Variants in SUCO observed in about 807,000 individuals in gnomAD.
SUCO encodes SUN domain containing ossification factor.
Under a neutral mutation model 148.1 loss-of-function variants are expected in SUCO, and 57 were observed. The observed-to-expected ratio is 0.38, with a 90% confidence interval of 0.31 to 0.48. The LOEUF is 0.48. Ranked by LOEUF, SUCO falls within the 20% of genes least tolerant of loss-of-function variation. SUCO has a pLI of 0.96. For synonymous variants in SUCO, 470 were observed against 502.7 expected (o/e 0.93, Z 0.87); for missense variants, 1,331 against 1,468.2 (o/e 0.91, Z 1.53).
rs1465465858 is a variant in SUCO, at chr1:172,588,934, A to G, written c.1833A>G (p.Ser611=). ...QEDESSPWFE[S]ETQIFCSELT... is the part of the protein sequence containing the mutation. ...ATGAATCATCACCCTGGTTTGAGTC[A>G]GAGACACAAATATTTTGCAGTGAAC... Residue 611 remains serine (S), a synonymous_variant, in exon 18 of 24, where the codon TCA becomes TCG. Transcript: ENST00000263688. The G allele has an allele frequency of 1.2e-6, 2 of 1,612,158 alleles. No homozygotes were observed. The highest frequency in any genetic ancestry group is 1.7e-6 in the Non-Finnish European group (2 of 1,179,126).
chr1:172,594,229 C>T (rs1275419896), intron 19 of SUCO, among the ~76,000 whole-genome samples: 2 of 149,014 alleles, frequency 1.3e-5, no homozygotes, highest in African/African-American at 2.5e-5. Flanking sequence ...AAACCAGCTC[C>T]TGAATTTATT....
intron 2 of SUCO, chr1:172,552,451 A>T (rs973609036): frequency 6.5e-6 from 1 of 154,064 alleles, no homozygotes; most frequent in African/African-American, 2.4e-5. Context: ...ATTATTTATC[A>T]GTTGTTCTTT....
Position 172,610,474 on chromosome 1 carries a change from G to A in SUCO, c.*215G>A. ...GCTGATCACTTCCTATAAGGACAATGGTAGACATTTTATAAAGATGTTTTT... is the reference window on the plus strand; with the variant it reads ...GCTGATCACTTCCTATAAGGACAATAGTAGACATTTTATAAAGATGTTTTT... On this transcript the variant is annotated 3_prime_UTR_variant, in exon 24 of 24. Transcript: ENST00000263688. 3.6e-6 allele frequency: 2 copies of A among 558,202 alleles called. No homozygotes were observed. Among genetic ancestry groups the A allele is most frequent in the South Asian group, 5.9e-5 (1 of 16,916 alleles). The allele number at this position is 558,202 out of a possible 1,614,324, so 34.6% of individuals were successfully genotyped here.
At chr1:172,570,611 C>T in intron 8 of SUCO, 52 bp from the exon 9 acceptor site, 1 of 1,228,300 alleles carries the variant, frequency 8.1e-7, no homozygotes, top group Non-Finnish European at 1.2e-6. Context: ...AAAATAAATA[C>T]TTTCTTCATT....
chr1:172,541,835 G>A (rs148307649), intron 1 of SUCO: 1 of 982,924 alleles, frequency 1.0e-6, no homozygotes, highest in Non-Finnish European at 1.2e-6. Flanking sequence ...ACATTCTAGG[G>A]CCTAAAATTA....
chr1:172,534,856 C>A (rs746891707), intron 1 of SUCO, among the ~76,000 whole-genome samples: 9 of 152,006 alleles, frequency 5.9e-5, no homozygotes, highest in Non-Finnish European at 1.3e-4. Flanking sequence ...TTGGTCTTGC[C>A]CATCTTTAAA....
chr1:172,556,571 G>A, intron 4 of SUCO: 1 of 976,270 alleles, frequency 1.0e-6, no homozygotes, highest in Non-Finnish European at 1.2e-6. Context: ...ACTACATTAA[G>A]CATTTCCTTT....
At chr1:172,572,259 G>T (rs568869423) in intron 9 of SUCO, among the ~76,000 whole-genome samples, 1 of 151,400 alleles carries the variant, frequency 6.6e-6, no homozygotes, top group Admixed American at 6.6e-5. Context: ...GAATAGAAAG[G>T]GGGGAAGGGC....
At chr1:172,593,605 G>T (rs192541161) in intron 19 of SUCO, among the ~76,000 whole-genome samples, 3 of 152,096 alleles carry the variant, frequency 2.0e-5, no homozygotes, top group South Asian at 2.1e-4. Context: ...TGAACCAGCC[G>T]TGCATCCCAG....
At chr1:172,575,152 C>T (rs531749403) in intron 10 of SUCO, among the ~76,000 whole-genome samples, 2 of 152,106 alleles carry the variant, frequency 1.3e-5, no homozygotes, top group East Asian at 3.9e-4. Context: ...TCTCTTTCCA[C>T]CAGTACTTGT....
At chr1:172,559,426 C>T (rs763306923) in intron 6 of SUCO, among the ~76,000 whole-genome samples, 2 of 152,120 alleles carry the variant, frequency 1.3e-5, no homozygotes, top group African/African-American at 4.8e-5. Context: ...GTATCTGATG[C>T]AGGACAGGCA....
Position 172,600,163 on chromosome 1 carries a change from C to T in SUCO, c.3013C>T (p.Arg1005Trp), listed in dbSNP as rs775831580. 4.0e-5 allele frequency: 64 copies of T among 1,606,816 alleles called. No individual in the cohort carries two copies. The highest frequency in any genetic ancestry group is 5.1e-5 in the Admixed American group (3 of 58,460). ...NLSATVAELK[R>W]EVSDRQSYLV... ...ATCAGCAACAGTAGCAGAATTGAAA[C>T]GGGAGGTAATTGTTATTGCTGGTAT... Residue 1005 changes from arginine (R) to tryptophan (W), a missense_variant, in exon 20 of 24, where the codon CGG (arginine) becomes TGG (tryptophan). Arg to Trp is a moderately radical substitution (Grantham distance 101). Around this residue, in one of 3 missense-constraint regions of SUCO, gnomAD observed 334 missense variants for 352.3 expected, o/e 0.95. Coordinates refer to ENST00000263688, the MANE Select transcript of SUCO (RefSeq NM_014283.5).
chr1:172,589,771 A>C lies in SUCO; in HGVS notation c.2670A>C (p.Glu890Asp), dbSNP rs1656506565. ...GGACAGCTACAGATTTTTATGCTGAATTGCAAAATTCTACAGATCTAGGAT... is the reference window on the plus strand; with the variant it reads ...GGACAGCTACAGATTTTTATGCTGACTTGCAAAATTCTACAGATCTAGGAT... The part of the protein sequence containing the change: ...LQRTATDFYA[E>D]LQNSTDLGYA... Residue 890 changes from glutamate (E) to aspartate (D), a missense_variant, in exon 18 of 24, where the codon GAA becomes GAC. Physicochemically the swap from Glu to Asp is conservative, Grantham distance 45. Around this residue, in one of 3 missense-constraint regions of SUCO, gnomAD observed 992 missense variants for 1,093.5 expected, o/e 0.91. Coordinates refer to ENST00000263688, the MANE Select transcript of SUCO (RefSeq NM_014283.5). The C allele has an allele frequency of 1.2e-6, 2 of 1,612,040 alleles. No individual in the cohort carries two copies. Among genetic ancestry groups the C allele is most frequent in the Non-Finnish European group, 1.7e-6 (2 of 1,179,254 alleles).
At chr1:172,553,550 CAGATAATAATAAATG>C (rs1291744895) in intron 3 of SUCO, among the ~76,000 whole-genome samples, 180 bp downstream of exon 3, 2 of 152,090 alleles carry the variant, frequency 1.3e-5, no homozygotes, top group African/African-American at 4.8e-5. Context: ...TGTAAAATTA[CAGATAATAATAAATG>C]TGACTAGTCT....
At chr1:172,597,497 C>T (rs1176323742) in intron 19 of SUCO, among the ~76,000 whole-genome samples, 2 of 152,070 alleles carry the variant, frequency 1.3e-5, no homozygotes, top group East Asian at 3.9e-4. Flanking sequence ...TTTCCTGCAA[C>T]TTTGTTAAAC....
Position 172,575,630 on chromosome 1 carries a change from T to A in SUCO, c.1263+7T>A. On this transcript the variant is annotated splice_region_variant and intron_variant, in intron 11 of 23. Transcript: ENST00000263688. ...GTATGCAAAATATGTCAAGGTAATG[T>A]TTACACATACAGGACTATGTTCTAT... The A allele has an allele frequency of 6.4e-7, 1 of 1,553,704 alleles. No homozygotes were observed. Among genetic ancestry groups the A allele is most frequent in the East Asian group, 2.2e-5 (1 of 44,470 alleles).
At position 172,553,390 on chromosome 1, in the gene SUCO, T is replaced by A; in HGVS notation, c.288+20T>A. On this transcript the variant is annotated intron_variant, in intron 3 of 23. Coordinates refer to ENST00000263688, the MANE Select transcript of SUCO (RefSeq NM_014283.5). ...GTACAAGTAAGCTATGTCGCTTTGA[T>A]TTTCAATAATATGTCATTTCAAACT... is the stretch of plus-strand genomic sequence containing the variant. The A allele has an allele frequency of 6.6e-7, 1 of 1,512,102 alleles. No individual in the cohort carries two copies. Among genetic ancestry groups the A allele is most frequent in the Non-Finnish European group, 9.1e-7 (1 of 1,103,016 alleles). The allele number at this position is 1,512,102 out of a possible 1,614,324, so 93.7% of individuals were successfully genotyped here.
At chr1:172,590,197 CT>C (rs1656542677) in intron 18 of SUCO, 6 of 353,262 alleles carry the variant, frequency 1.7e-5, no homozygotes, top group South Asian at 1.1e-4. Flanking sequence ...TCACTTTCAC[CT>C]TTTTTCGGTT....
Position 172,609,685 on chromosome 1 carries a change from C to T in SUCO, c.3322-131C>T, listed in dbSNP as rs544905527. Reference sequence around the variant, plus strand: ...TATAGAACATAACAATGTATGTGTTCTGTGCTGTTTATAATACTGTTTTAC... The same window carrying T: ...TATAGAACATAACAATGTATGTGTTTTGTGCTGTTTATAATACTGTTTTAC... On this transcript the variant is annotated intron_variant, in intron 23 of 23. Transcript: ENST00000263688. 5 of 1,457,494 alleles carry T rather than the reference C, an allele frequency of 3.4e-6. No homozygotes were observed. The African/African-American group carries it at 5.7e-5, about 17-fold the overall frequency. The allele number at this position is 1,457,494 out of a possible 1,614,324, so 90.3% of individuals were successfully genotyped here. A position where few individuals can be genotyped will look rare whatever the true frequency, so the allele number is the denominator to read the frequency against.
Sources: gnomAD v4.1 joint callset for allele counts (sites outside exome capture counted in the v4.1 genomes callset) on GRCh38, gnomAD v4.1.1 for gene constraint, gnomAD v4.1.1 regional missense constraint, MANE v1.5 for transcripts, NCBI Gene and HGNC (gene_info 2026-07-23, HGNC 2026-07-21) for gene names.